Variants in SH3GL2 observed in about 807,000 individuals in gnomAD.
SH3GL2 encodes the protein endophilin-A1.
A neutral mutation model predicts 46.0 loss-of-function variants in SH3GL2; 24 were observed. That is an observed-to-expected ratio of 0.52 (90% CI 0.38 to 0.73). The LOEUF is 0.73. Among genes scored for constraint, SH3GL2 ranks in the 30% least tolerant of loss-of-function variants. The pLI is 0.00. For missense variants in SH3GL2, 413 were observed against 424.2 expected, an observed-to-expected ratio of 0.97 and a Z score of 0.23; for synonymous variants, 196 against 147.1, an observed-to-expected ratio of 1.33 and a Z score of -2.40.
intron 1 of SH3GL2, chr9:17,590,038 C>G (rs998269661): frequency 1.3e-5 from 2 of 152,066 alleles, no homozygotes; most frequent in African/African-American, 4.8e-5. Context: ...AATAGTGAGG[C>G]CTGATTTTGT....
rs138944502 is a variant in SH3GL2 at position 17,782,457 on chromosome 9, T to G, written c.188-3924T>G. On this transcript the variant is annotated intron_variant, in intron 3 of 8. Coordinates refer to ENST00000380607, the MANE Select transcript of SH3GL2 (RefSeq NM_003026.5). ...TGAATGATGGTAAACCATATAGCTT[T>G]TTAGCCTACCTGAGAAGTGGAACTG... 3.1e-3 allele frequency among the ~76,000 whole-genome samples: 474 copies of G among 152,328 alleles called. 4 individuals are homozygous for G. The highest frequency in any genetic ancestry group is 0.011 in the African/African-American group (443 of 41,594).
chr9:17,608,300 A>C (rs547933722), intron 1 of SH3GL2, among the ~76,000 whole-genome samples: 24 of 151,448 alleles, frequency 1.6e-4, no homozygotes, highest in Middle Eastern at 3.4e-3. Context: ...GGCGCCCACC[A>C]CCACACCTGG....
chr9:17,620,748 G>A (rs1258031736), intron 1 of SH3GL2, among the ~76,000 whole-genome samples: 2 of 152,174 alleles, frequency 1.3e-5, no homozygotes, highest in Non-Finnish European at 2.9e-5. Context: ...GAAGTCAAGG[G>A]TAAAGCCTAG....
In SH3GL2 at chr9:17,628,134, T is replaced by A. The variant is rs187245346; in HGVS notation, c.45+48847T>A. The stretch of plus-strand genomic sequence containing the variant: ...GGTGAAGCTACCCGGAGTCTCAGTT[T>A]CTTCTTTAAAACACGATTATATCAT... On this transcript the variant is annotated intron_variant, in intron 1 of 8. Coordinates refer to ENST00000380607, the MANE Select transcript of SH3GL2 (RefSeq NM_003026.5). Among the ~76,000 whole-genome samples the A allele has an allele frequency of 1.3e-5, 2 of 152,322 alleles. 1 individual carries two copies. Among genetic ancestry groups the A allele is most frequent in the Admixed American group, 1.3e-4 (2 of 15,306 alleles).
intron 2 of SH3GL2, among the ~76,000 whole-genome samples, chr9:17,759,323 G>T (rs1823101467): frequency 1.3e-5 from 2 of 152,160 alleles, no homozygotes; most frequent in African/African-American, 2.4e-5. Context: ...ACAGAATATG[G>T]GATGGCAGGT....
chr9:17,619,683 A>AAAAAT (rs1032197292), intron 1 of SH3GL2, among the ~76,000 whole-genome samples: 5 of 152,158 alleles, frequency 3.3e-5, no homozygotes, highest in African/African-American at 1.2e-4. Context: ...ATCTCAAAAA[A>AAAAAT]AAAATAAAAT....
At chr9:17,791,195 G>A in intron 6 of SH3GL2, 36 bp from the exon 7 acceptor site, 4 of 1,476,444 alleles carry the variant, frequency 2.7e-6, no homozygotes, top group Non-Finnish European at 3.8e-6. Context: ...ATGGTAACGT[G>A]TAAAACTAAG....
intron 1 of SH3GL2, among the ~76,000 whole-genome samples, chr9:17,726,408 A>G (rs972064282): frequency 6.6e-6 from 1 of 152,170 alleles, no homozygotes; most frequent in East Asian, 1.9e-4. Flanking sequence ...AATAGATACT[A>G]CATTTTTAAA....
At chr9:17,727,831 C>T (rs1300722338) in intron 1 of SH3GL2, among the ~76,000 whole-genome samples, 1 of 152,092 alleles carries the variant, frequency 6.6e-6, no homozygotes, top group Admixed American at 6.5e-5. Context: ...TTCCCTGCCC[C>T]ACCCCTCTCT....
At chr9:17,649,372 C>A (rs549625582) in intron 1 of SH3GL2, among the ~76,000 whole-genome samples, 1 of 152,070 alleles carries the variant, frequency 6.6e-6, no homozygotes, top group African/African-American at 2.4e-5. Flanking sequence ...TGCCCTATCG[C>A]GTACATTTTT....
At chr9:17,740,679 A>G (rs548756946) in intron 1 of SH3GL2, among the ~76,000 whole-genome samples, 3 of 152,272 alleles carry the variant, frequency 2.0e-5, no homozygotes, top group African/African-American at 7.2e-5. Context: ...GTTCTTTAAT[A>G]ATGCACTTAA....
chr9:17,680,446 G>A (rs1009327984), intron 1 of SH3GL2, among the ~76,000 whole-genome samples: 2 of 152,076 alleles, frequency 1.3e-5, no homozygotes, highest in Admixed American at 6.6e-5. Context: ...TCTGATGGTA[G>A]TTTGTATTTC....
At chr9:17,719,837 T>A (rs57261811) in intron 1 of SH3GL2, among the ~76,000 whole-genome samples, 2 of 151,676 alleles carry the variant, frequency 1.3e-5, no homozygotes, top group South Asian at 2.1e-4. Flanking sequence ...CTACTGGTAT[T>A]TAAAATGTAA....
chr9:17,620,916 G>T lies in SH3GL2; in HGVS notation c.45+41629G>T, dbSNP rs938433394. Reference sequence around the variant, plus strand: ...ATTATCTTCAAAATATTTGGAGTCAGTAGCTTTGAAGCTCACCAAATATAC... The same window carrying T: ...ATTATCTTCAAAATATTTGGAGTCATTAGCTTTGAAGCTCACCAAATATAC... On this transcript the variant is annotated intron_variant, in intron 1 of 8. Transcript: ENST00000380607. 2.0e-5 allele frequency among the ~76,000 whole-genome samples: 3 copies of T among 152,146 alleles called. No individual in the cohort carries two copies. The East Asian group carries it at 5.8e-4, about 29-fold the overall frequency.
intron 1 of SH3GL2, among the ~76,000 whole-genome samples, chr9:17,645,007 C>T (rs1819772287): frequency 6.6e-6 from 1 of 152,018 alleles, no homozygotes; most frequent in Non-Finnish European, 1.5e-5. Flanking sequence ...CTGGGTGCTC[C>T]TGTATTGGGT....
At chr9:17,657,915 A>G (rs796405846) in intron 1 of SH3GL2, among the ~76,000 whole-genome samples, 20 of 152,224 alleles carry the variant, frequency 1.3e-4, no homozygotes, top group African/African-American at 3.9e-4. Flanking sequence ...CAAGATACTC[A>G]TTTTGTGGTA....
At chr9:17,708,121 C>G (rs1438882098) in intron 1 of SH3GL2, among the ~76,000 whole-genome samples, 1 of 151,978 alleles carries the variant, frequency 6.6e-6, no homozygotes, top group Non-Finnish European at 1.5e-5. Context: ...GTAGAGAAAC[C>G]GTCTGTCTCC....
chr9:17,727,546 C>G (rs1215688818), intron 1 of SH3GL2, among the ~76,000 whole-genome samples: 2 of 152,168 alleles, frequency 1.3e-5, no homozygotes, highest in Admixed American at 6.5e-5. Flanking sequence ...CCCTGAAGGC[C>G]ACCTCTGACT....
At chr9:17,692,004 C>T (rs1205214699) in intron 1 of SH3GL2, among the ~76,000 whole-genome samples, 2 of 152,038 alleles carry the variant, frequency 1.3e-5, no homozygotes, top group East Asian at 1.9e-4. Flanking sequence ...TCTCAGAATT[C>T]ATTTCTGAAG....
Sources: allele counts gnomAD v4.1 joint callset (sites outside exome capture counted in the v4.1 genomes callset), GRCh38; gene constraint gnomAD v4.1.1; transcripts MANE v1.5; gene names NCBI Gene and HGNC (gene_info 2026-07-23, HGNC 2026-07-21).